Variants in IMPG2 observed in about 807,000 individuals in gnomAD.
IMPG2 encodes interphotoreceptor matrix proteoglycan 2, also known as IPM 200.
Under a neutral mutation model 129.2 loss-of-function variants are expected in IMPG2, and 91 were observed. The observed-to-expected ratio is 0.70, with a 90% CI of 0.59 to 0.84. IMPG2 has a LOEUF of 0.84. Among genes scored for constraint, IMPG2 ranks in the 40% least tolerant of loss-of-function variants. The pLI is 0.00. For missense variants in IMPG2, 1,430 were observed against 1,461.7 expected, an observed-to-expected ratio of 0.98 and a Z score of 0.35; for synonymous variants, 510 against 517.7, an observed-to-expected ratio of 0.99 and a Z score of 0.20.
intron 10 of IMPG2, among the ~76,000 whole-genome samples, chr3:101,254,571 A>T (rs1706579040): frequency 6.6e-6 from 1 of 152,144 alleles, no homozygotes; most frequent in African/African-American, 2.4e-5. Context: ...AAACAGAAGT[A>T]GAGTCTCTTT....
chr3:101,225,326 T>A lies in IMPG2; in HGVS notation c.*1643A>T, dbSNP rs1238248761. The A allele has an allele frequency of 6.6e-6, 1 of 152,140 alleles. No individual in the cohort carries two copies. Among genetic ancestry groups the A allele is most frequent in the Non-Finnish European group, 1.5e-5 (1 of 68,030 alleles). The allele number at this position is 152,140 out of a possible 1,614,324, so 9.4% of individuals were successfully genotyped here. On this transcript the variant is annotated 3_prime_UTR_variant, in exon 19 of 19. Coordinates refer to ENST00000193391, the MANE Select transcript of IMPG2 (RefSeq NM_016247.4). Reference sequence around the variant, plus strand: ...ACTGTTAGAGGATCCATTATGTGAGTAGGGAATGAAAGGAAATGCTAGGAT... The same window carrying A: ...ACTGTTAGAGGATCCATTATGTGAGAAGGGAATGAAAGGAAATGCTAGGAT...
At chr3:101,262,303 T>C (rs952011508) in intron 9 of IMPG2, among the ~76,000 whole-genome samples, 17 of 151,998 alleles carry the variant, frequency 1.1e-4, no homozygotes, top group Admixed American at 6.6e-4. Context: ...AATGAGTACA[T>C]TTTAAAAGAG....
At chr3:101,277,728 A>C (rs7632064) in intron 4 of IMPG2, among the ~76,000 whole-genome samples, 19,549 of 152,212 alleles carry the variant, frequency 0.13, 1,319 homozygotes, top group Middle Eastern at 0.17. Context: ...TAATCTAAGA[A>C]AGCCTCTCCT....
intron 6 of IMPG2, among the ~76,000 whole-genome samples, chr3:101,275,402 G>C (rs916529614): frequency 6.6e-6 from 1 of 152,194 alleles, no homozygotes; most frequent in Non-Finnish European, 1.5e-5. Context: ...GAGGCCACAA[G>C]AGGCAGTGGG....
At chr3:101,267,665 A>G (rs909549426) in intron 8 of IMPG2, 134 bp from the exon 9 acceptor site, 3 of 751,492 alleles carry the variant, frequency 4.0e-6, no homozygotes, top group Admixed American at 2.2e-5. Flanking sequence ...AAATGCTGAC[A>G]AATTCCTATG....
chr3:101,233,315 T>A (rs1227263023), intron 14 of IMPG2, among the ~76,000 whole-genome samples: 1 of 152,228 alleles, frequency 6.6e-6, no homozygotes, highest in African/African-American at 2.4e-5. Context: ...AACACAATAG[T>A]AATTGTAGAT....
rs750775621 is a variant in IMPG2, at chr3:101,229,474, T to C, written c.3539A>G (p.His1180Arg). ...TCCGCTAGCAGAGCTGTAGAAGGGA[T>C]GCTGAGGATAGGGTCCCTCATACTT... is the stretch of plus-strand genomic sequence containing the variant. ...CEKYEGPYPQ[H>R]PFYSSASGDV... Residue 1180 changes from histidine (H) to arginine (R), a missense_variant, in exon 17 of 19, where the codon CAT becomes CGT. His to Arg is a conservative substitution (Grantham distance 29). Transcript: ENST00000193391. 6.2e-7 allele frequency: 1 copy of C among 1,613,464 alleles called. No individual in the cohort carries two copies. Among genetic ancestry groups the C allele is most frequent in the African/African-American group, 1.3e-5 (1 of 75,008 alleles).
At chr3:101,287,305 A>C (rs961708693) in intron 4 of IMPG2, among the ~76,000 whole-genome samples, 2 of 152,140 alleles carry the variant, frequency 1.3e-5, no homozygotes, top group African/African-American at 2.4e-5. Context: ...CATTAAAATG[A>C]CCATACTGCC....
At position 101,249,637 on chromosome 3, in the gene IMPG2, T is replaced by C. The variant is rs190019363; in HGVS notation, c.1240-3532A>G. The stretch of plus-strand genomic sequence containing the variant: ...CTAATAACCAAATCTTCTGAATCTG[T>C]TGACATGAAATGTATGAGAGAAAAA... On this transcript the variant is annotated intron_variant, in intron 11 of 18. Transcript: ENST00000193391. 9.9e-5 allele frequency among the ~76,000 whole-genome samples: 15 copies of C among 152,058 alleles called. No individual in the cohort carries two copies. The East Asian group carries it at 2.9e-3, about 29-fold the overall frequency.
In IMPG2 at chr3:101,243,887, G is replaced by T; in HGVS notation, c.2444C>A (p.Ser815Tyr). 6.2e-7 allele frequency: 1 copy of T among 1,614,188 alleles called. No homozygotes were observed. Among genetic ancestry groups the T allele is most frequent in the Non-Finnish European group, 8.5e-7 (1 of 1,180,020 alleles). Residue 815 changes from serine to tyrosine, a missense_variant, in exon 13 of 19, where the codon TCT becomes TAT. By Grantham distance (144) the Ser-to-Tyr change is moderately radical. Coordinates refer to ENST00000193391, the MANE Select transcript of IMPG2 (RefSeq NM_016247.4). Reference sequence around the variant, plus strand: ...GATTGTGGTTGGAGGCAATTTGGTAGACTGTGTCACAGATAACCAGAGCCT... The same window carrying T: ...GATTGTGGTTGGAGGCAATTTGGTATACTGTGTCACAGATAACCAGAGCCT... ...ADRLWLSVTQ[S>Y]TKLPPTTIST...
At chr3:101,227,823 T>A (rs1296789993) in intron 18 of IMPG2, 1 of 456,120 alleles carries the variant, frequency 2.2e-6, no homozygotes, top group East Asian at 6.9e-5. Flanking sequence ...TATCAGTTTG[T>A]CCCTTCTCTT....
Position 101,244,739 on chromosome 3 carries a change from A to G in IMPG2, c.1592T>C (p.Leu531Ser), listed in dbSNP as rs766398860. 8 of 1,614,080 alleles carry G rather than the reference A, an allele frequency of 5.0e-6. No individual in the cohort carries two copies. The highest frequency in any genetic ancestry group is 6.8e-6 in the Non-Finnish European group (8 of 1,179,956). ...ESEDFLSIDSLPSSSFTQPVP... is the reference protein window; with the variant it reads ...ESEDFLSIDSSPSSSFTQPVP... ...AGGTTGAGTGAATGAACTTGAAGGC[A>G]ATGAATCAATAGAAAGAAAATCTTC... The change falls in exon 13 of 19, where the codon TTG becomes TCG. Residue 531 changes from leucine to serine, a missense_variant. Transcript: ENST00000193391.
intron 11 of IMPG2, among the ~76,000 whole-genome samples, chr3:101,249,873 G>T (rs959102633): frequency 1.9e-4 from 29 of 151,650 alleles, no homozygotes; most frequent in African/African-American, 6.5e-4. Context: ...CGCAAGTCTG[G>T]GAAACAGAGT....
intron 14 of IMPG2, among the ~76,000 whole-genome samples, 164 bp downstream of exon 14, chr3:101,242,524 T>G (rs367734075): frequency 8.6e-4 from 131 of 152,352 alleles, no homozygotes; most frequent in African/African-American, 3.1e-3. Flanking sequence ...ATTGATGTTC[T>G]TGGGAGAAAT....
chr3:101,272,415 C>CT, intron 7 of IMPG2, among the ~76,000 whole-genome samples: 1 of 152,254 alleles, frequency 6.6e-6, no homozygotes, highest in South Asian at 2.1e-4. Flanking sequence ...GGCCCAGAAC[C>CT]TTCAACACCC....
chr3:101,262,804 A>G (rs1284637213), intron 9 of IMPG2, among the ~76,000 whole-genome samples: 1 of 151,726 alleles, frequency 6.6e-6, no homozygotes, highest in Non-Finnish European at 1.5e-5. Flanking sequence ...GCTGCCTACA[A>G]GAAACTTACA....
chr3:101,291,553 T>C (rs1309687231), intron 3 of IMPG2, 43 bp from the exon 4 acceptor site: 2 of 1,483,686 alleles, frequency 1.3e-6, no homozygotes, highest in Non-Finnish European at 1.9e-6. Flanking sequence ...TTAACAACAG[T>C]TATTAAGGAG....
At position 101,320,473 on chromosome 3, in the gene IMPG2, A is replaced by G; in HGVS notation, c.-101T>C. The G allele has an allele frequency of 1.4e-6, 1 of 740,622 alleles. No individual in the cohort carries two copies. Among genetic ancestry groups the G allele is most frequent in the Non-Finnish European group, 2.4e-6 (1 of 416,112 alleles). 45.9% of individuals were successfully genotyped at this position (740,622 alleles called of 1,614,324 possible). A position where few individuals can be genotyped will look rare whatever the true frequency, so the allele number is the denominator to read the frequency against. On this transcript the variant is annotated 5_prime_UTR_variant, in exon 1 of 19. It removes an upstream start codon present in the reference 5' UTR. Transcript: ENST00000193391. ...CAAAGAGTTATAGGAAAGACCTAAC[A>G]TTTAAAAGTCTATGTTTGAGAATGA...
rs562633855 is a variant in IMPG2 at position 101,280,894 on chromosome 3, G to A, written c.534-4181C>T. Among the ~76,000 whole-genome samples the A allele has an allele frequency of 3.9e-5, 6 of 152,084 alleles. No homozygotes were observed. The South Asian group carries it at 1.2e-3, about 32-fold the overall frequency. On this transcript the variant is annotated intron_variant, in intron 4 of 18. Transcript: ENST00000193391. ...AACGTCAGAGGTGGAGGTTGCAGTG[G>A]GCTGAGATCGGGCCACTGCACTCCA...
Sources: allele counts gnomAD v4.1 joint callset (sites outside exome capture counted in the v4.1 genomes callset), GRCh38; gene constraint gnomAD v4.1.1; transcripts MANE v1.5; gene names NCBI Gene and HGNC (gene_info 2026-07-23, HGNC 2026-07-21).